The following SPINK9 variants were observed in gnomAD, a reference collection of about 807,000 sequenced individuals.
The protein encoded by SPINK9 is serine protease inhibitor Kazal-type 9.
In SPINK9, 3 loss-of-function variants were observed where a neutral mutation model predicts 10.8. That is an observed-to-expected ratio of 0.28 (90% CI 0.13 to 0.72). SPINK9 has a LOEUF of 0.72. SPINK9 is among the 30% of genes least tolerant of loss of function. The pLI, the probability that SPINK9 is intolerant of heterozygous loss-of-function variation, is 0.74. For missense variants in SPINK9, 101 were observed against 103.2 expected (o/e 0.98, Z 0.09); for synonymous variants, 30 against 31.2 (o/e 0.96, Z 0.12).
At chr5:148,324,155 G>GT (rs745857772) in intron 2 of SPINK9, among the ~76,000 whole-genome samples, 15 of 151,994 alleles carry the variant, frequency 9.9e-5, no homozygotes, top group Non-Finnish European at 1.6e-4. Context: ...AATTTTTCAA[G>GT]TTTTTTTCCC....
chr5:148,339,686 A>C lies in SPINK9; in HGVS notation c.235A>C (p.Lys79Gln). Residue 79 changes from lysine (K) to glutamine (Q), a missense_variant, in exon 4 of 4, where the codon AAA becomes CAA. Physicochemically the swap from Lys to Gln is moderately conservative, Grantham distance 53. Transcript: ENST00000377906. ...CCACAGGAAAACTGACGGCACACTT[A>C]AATTTGTACATTTTGGAAAATGTTA... ...SKVKKTDGTLKFVHFGKC is the reference protein window; with the variant it reads ...SKVKKTDGTLQFVHFGKC The C allele has an allele frequency of 6.2e-7, 1 of 1,612,782 alleles. No homozygotes were observed. The highest frequency in any genetic ancestry group is 8.5e-7 in the Non-Finnish European group (1 of 1,179,252).
upstream of SPINK9, among the ~76,000 whole-genome samples, chr5:148,332,377 A>G (rs905955488): frequency 6.6e-6 from 1 of 152,178 alleles, no homozygotes; most frequent in African/African-American, 2.4e-5. Context: ...ACATATTACA[A>G]ATTAAGTTGT....
intron 2 of SPINK9, among the ~76,000 whole-genome samples, chr5:148,327,880 C>T (rs1757087557): frequency 6.6e-6 from 1 of 152,100 alleles, no homozygotes; most frequent in African/African-American, 2.4e-5. Context: ...TGTTTTTGTA[C>T]CAGTACCATG....
chr5:148,326,877 T>A (rs914724339), intron 2 of SPINK9, among the ~76,000 whole-genome samples: 1 of 152,068 alleles, frequency 6.6e-6, no homozygotes, highest in Non-Finnish European at 1.5e-5. Flanking sequence ...TATTCCATGG[T>A]GTATATGTGC....
intron 1 of SPINK9, among the ~76,000 whole-genome samples, chr5:148,323,165 T>C (rs932591950): frequency 6.6e-6 from 1 of 152,080 alleles, no homozygotes; most frequent in Non-Finnish European, 1.5e-5. Flanking sequence ...GGGAAGTGTA[T>C]GGAGACAGAT....
At chr5:148,326,555 G>A (rs921247187) in intron 2 of SPINK9, among the ~76,000 whole-genome samples, 2 of 152,138 alleles carry the variant, frequency 1.3e-5, no homozygotes, top group African/African-American at 2.4e-5. Context: ...GGGTACACGT[G>A]CACAACCTGC....
chr5:148,338,417 C>T (rs987908167), intron 2 of SPINK9, 61 bp from the exon 3 acceptor site: 2 of 1,527,538 alleles, frequency 1.3e-6, no homozygotes, highest in African/African-American at 2.8e-5. Flanking sequence ...TTGAAAAATC[C>T]TAAATCCTGA....
At chr5:148,337,827 T>C (rs996961941) in intron 2 of SPINK9, among the ~76,000 whole-genome samples, 1 of 152,186 alleles carries the variant, frequency 6.6e-6, no homozygotes, top group African/African-American at 2.4e-5. Flanking sequence ...CTTTACTCTA[T>C]ATGCTCTTCT....
At chr5:148,329,784 G>A (rs1323753695) in intron 2 of SPINK9, among the ~76,000 whole-genome samples, 1 of 152,134 alleles carries the variant, frequency 6.6e-6, no homozygotes, top group African/African-American at 2.4e-5. Flanking sequence ...TTCAGGAGCA[G>A]GTTGTTCAGT....
intron 2 of SPINK9, among the ~76,000 whole-genome samples, chr5:148,328,925 T>C (rs1162218739): frequency 1.3e-5 from 2 of 152,220 alleles, no homozygotes; most frequent in Non-Finnish European, 2.9e-5. Context: ...TTGAGGATTT[T>C]TGCATCAATG....
chr5:148,329,111 C>G (rs959873731), intron 2 of SPINK9, among the ~76,000 whole-genome samples: 9 of 152,066 alleles, frequency 5.9e-5, no homozygotes, highest in Non-Finnish European at 2.9e-5. Flanking sequence ...CTGGTAGAAT[C>G]TGGCTGTGAA....
Position 148,335,613 on chromosome 5 carries a change from T to C in SPINK9, c.-1T>C, listed in dbSNP as rs778272009. On this transcript the variant is annotated 5_prime_UTR_variant, in exon 1 of 4. Transcript: ENST00000377906. ...CTGACTGCCTTGGCCACTTCAGTAC[T>C]ATGAGAGCAACAGCCATAGTCCTAC... 18 of 1,613,498 alleles carry C rather than the reference T, an allele frequency of 1.1e-5. No individual in the cohort carries two copies. Among genetic ancestry groups the C allele is most frequent in the Non-Finnish European group, 1.5e-5 (18 of 1,179,814 alleles).
chr5:148,336,601 A>T (rs1220769816), intron 2 of SPINK9, 148 bp downstream of exon 2: 1 of 857,988 alleles, frequency 1.2e-6, no homozygotes, highest in Non-Finnish European at 1.8e-6. Context: ...TTGTAGGCAG[A>T]TCTTTCTAAA....
intron 2 of SPINK9, among the ~76,000 whole-genome samples, chr5:148,330,188 C>T (rs866509897): frequency 2.0e-5 from 3 of 152,034 alleles, no homozygotes; most frequent in Admixed American, 6.6e-5. Context: ...TCTGGGTGCT[C>T]CTGTATTGGG....
chr5:148,322,878 T>C (rs1431531417), intron 1 of SPINK9, among the ~76,000 whole-genome samples: 4 of 152,128 alleles, frequency 2.6e-5, no homozygotes, highest in Non-Finnish European at 4.4e-5. Context: ...ACCTTTTTCT[T>C]CCAGCATTTA....
intron 2 of SPINK9, among the ~76,000 whole-genome samples, chr5:148,327,054 G>GT (rs1757071442): frequency 6.6e-6 from 1 of 152,070 alleles, no homozygotes; most frequent in South Asian, 2.1e-4. Context: ...GGGTCAAATG[G>GT]TATTTCTAGT....
intron 2 of SPINK9, among the ~76,000 whole-genome samples, chr5:148,328,222 A>T (rs1757095666): frequency 6.6e-6 from 1 of 152,096 alleles, no homozygotes; most frequent in South Asian, 2.1e-4. Flanking sequence ...GGTCCTTCAC[A>T]TCCCTTGTAA....
intron 1 of SPINK9, among the ~76,000 whole-genome samples, chr5:148,322,969 G>A (rs1343105204): frequency 1.3e-5 from 2 of 152,074 alleles, no homozygotes; most frequent in Non-Finnish European, 2.9e-5. Context: ...TACATTCCCA[G>A]AATCCTTTTA....
chr5:148,335,340 A>G (rs1757202558), upstream of SPINK9, among the ~76,000 whole-genome samples: 1 of 152,218 alleles, frequency 6.6e-6, no homozygotes. Context: ...TTGTAGTTCA[A>G]AGCAAAGCTA....
Sources: allele counts gnomAD v4.1 joint callset (sites outside exome capture counted in the v4.1 genomes callset), GRCh38; gene constraint gnomAD v4.1.1; transcripts MANE v1.5; gene names NCBI Gene and HGNC (gene_info 2026-07-23, HGNC 2026-07-21).